Variants in GRM8 observed in about 807,000 individuals in gnomAD.
GRM8 encodes metabotropic glutamate receptor 8.
A neutral mutation model predicts 87.2 loss-of-function variants in GRM8; 47 were observed. The observed-to-expected ratio is 0.54, with a 90% confidence interval of 0.43 to 0.69. The LOEUF is 0.69. Among genes scored for constraint, GRM8 ranks in the 30% least tolerant of loss-of-function variants. The pLI is 0.00. For missense variants in GRM8, 1,019 were observed against 1,139.2 expected (o/e 0.89, Z 1.52); for synonymous variants, 396 against 404.5 (o/e 0.98, Z 0.25).
Position 126,533,239 on chromosome 7 carries a change from C to T in GRM8, c.2143G>A (p.Val715Ile). 1 of 1,613,470 alleles carries T rather than the reference C, an allele frequency of 6.2e-7. No homozygotes were observed. The highest frequency in any genetic ancestry group is 8.5e-7 in the Non-Finnish European group (1 of 1,179,878). The change falls in exon 9 of 11, where the codon GTT (valine) becomes ATT (isoleucine). Residue 715 changes from valine to isoleucine, a missense_variant. Physicochemically the swap from Val to Ile is conservative, Grantham distance 29. Coordinates refer to ENST00000339582, the MANE Select transcript of GRM8 (RefSeq NM_000845.3). ...VQLLGVFVWF[V>I]VDPPHIIIDY... ...ATGATGATGTGGGGGGGATCCACAACAAACCAGACAAACACTCCAAGGAGC... is the reference window on the plus strand; with the variant it reads ...ATGATGATGTGGGGGGGATCCACAATAAACCAGACAAACACTCCAAGGAGC...
intron 3 of GRM8, among the ~76,000 whole-genome samples, chr7:126,956,259 A>G (rs186736327): frequency 6.6e-6 from 1 of 152,346 alleles, no homozygotes; most frequent in Admixed American, 6.5e-5. Context: ...AAGGTGTCCA[A>G]AGAGGCAATG....
intron 10 of GRM8, chr7:126,445,345 T>C (rs1464801315): frequency 6.6e-6 from 1 of 152,056 alleles, no homozygotes; most frequent in South Asian, 2.1e-4. Context: ...CTTCAAATTA[T>C]TTGCCACTCT....
intron 8 of GRM8, among the ~76,000 whole-genome samples, chr7:126,535,887 C>T (rs1400500635): frequency 6.6e-6 from 1 of 152,196 alleles, no homozygotes; most frequent in Non-Finnish European, 1.5e-5. Context: ...AGAAAGTCAT[C>T]ATCTGGCTCC....
At chr7:127,069,781 C>G (rs993730357) in intron 3 of GRM8, among the ~76,000 whole-genome samples, 18 of 152,198 alleles carry the variant, frequency 1.2e-4, no homozygotes, top group African/African-American at 4.3e-4. Context: ...GTTTATTCCA[C>G]TGGTTAAATG....
chr7:126,664,040 C>T (rs1805500518), intron 7 of GRM8, among the ~76,000 whole-genome samples: 1 of 152,050 alleles, frequency 6.6e-6, no homozygotes, highest in South Asian at 2.1e-4. Context: ...ATCCCATTTA[C>T]AATAGCCACA....
intron 6 of GRM8, among the ~76,000 whole-genome samples, chr7:126,892,242 A>G (rs1346303459): frequency 2.0e-5 from 3 of 151,970 alleles, no homozygotes; most frequent in Admixed American, 6.6e-5. Context: ...TGCTGCACCC[A>G]TTAACTCGTC....
chr7:126,487,263 G>A lies in GRM8; in HGVS notation c.2431-40891C>T, dbSNP rs369853956. The stretch of plus-strand genomic sequence containing the variant: ...GGTAAAGGTTTATAATGAAAACCCC[G>A]CTTCAGACACGCAATATGGTTGAAA... On this transcript the variant is annotated intron_variant, in intron 9 of 10. Coordinates refer to ENST00000339582, the MANE Select transcript of GRM8 (RefSeq NM_000845.3). 6.7e-4 allele frequency among the ~76,000 whole-genome samples: 101 copies of A among 151,610 alleles called. 2 individuals are homozygous for A. In the South Asian group the frequency reaches 0.018, roughly 26 times the overall value.
intron 8 of GRM8, among the ~76,000 whole-genome samples, chr7:126,601,385 T>C (rs1797745360): frequency 6.6e-6 from 1 of 152,112 alleles, no homozygotes; most frequent in Admixed American, 6.5e-5. Context: ...AATGCCGCAA[T>C]AAACATACGT....
chr7:127,168,864 T>C (rs1358333128), intron 2 of GRM8, among the ~76,000 whole-genome samples: 1 of 150,774 alleles, frequency 6.6e-6, no homozygotes, highest in African/African-American at 2.4e-5. Flanking sequence ...GGGTGGGGGC[T>C]GAGGGGCCAG....
intron 8 of GRM8, among the ~76,000 whole-genome samples, chr7:126,582,360 A>T (rs888385830): frequency 3.3e-5 from 5 of 152,192 alleles, no homozygotes; most frequent in African/African-American, 1.2e-4. Flanking sequence ...GCAGAGGTGA[A>T]GAAGCTGCAT....
chr7:126,758,762 A>T (rs1817283427), intron 7 of GRM8, among the ~76,000 whole-genome samples: 1 of 152,204 alleles, frequency 6.6e-6, no homozygotes, highest in Non-Finnish European at 1.5e-5. Flanking sequence ...TGTTTATATG[A>T]GTCAAAAGTT....
At chr7:127,029,661 C>CT (rs5887322) in intron 3 of GRM8, among the ~76,000 whole-genome samples, 100,164 of 148,450 alleles carry the variant, frequency 0.67, 34,976 homozygotes, top group African/African-American at 0.81. Context: ...GCAACCTCTG[C>CT]TTTTTTTTTT....
intron 3 of GRM8, among the ~76,000 whole-genome samples, chr7:127,060,883 CA>C (rs1820537440): frequency 6.6e-6 from 1 of 152,112 alleles, no homozygotes; most frequent in African/African-American, 2.4e-5. Flanking sequence ...AATCACCCAT[CA>C]TTTGCCTACT....
At chr7:126,778,679 T>C (rs1300612128) in intron 6 of GRM8, among the ~76,000 whole-genome samples, 1 of 152,154 alleles carries the variant, frequency 6.6e-6, no homozygotes, top group Non-Finnish European at 1.5e-5. Flanking sequence ...GTTTCTCTTT[T>C]TTAAGGCATA....
At chr7:126,917,437 C>T (rs1804034521) in intron 3 of GRM8, among the ~76,000 whole-genome samples, 2 of 152,054 alleles carry the variant, frequency 1.3e-5, no homozygotes, top group Non-Finnish European at 1.5e-5. Context: ...ATTACCTTTT[C>T]CTTAATGAAA....
chr7:126,933,047 T>C lies in GRM8; in HGVS notation c.728-28364A>G, dbSNP rs148441960. ...AAAACCAGAATGAGGATGACTCTGATAGTGAAAAGCCCAAGATTCTTTCTC... is the reference window on the plus strand; with the variant it reads ...AAAACCAGAATGAGGATGACTCTGACAGTGAAAAGCCCAAGATTCTTTCTC... On this transcript the variant is annotated intron_variant, in intron 3 of 10. Transcript: ENST00000339582. Among the ~76,000 whole-genome samples, 9 of 152,292 alleles carry C rather than the reference T, an allele frequency of 5.9e-5. No individual in the cohort carries two copies. In the East Asian group the frequency reaches 1.5e-3, roughly 26 times the overall value.
At chr7:126,581,065 TTCTGAGG>T in intron 8 of GRM8, among the ~76,000 whole-genome samples, 1 of 152,144 alleles carries the variant, frequency 6.6e-6, no homozygotes, top group East Asian at 1.9e-4. Flanking sequence ...AGAACCAGTG[TTCTGAGG>T]AAGGCTTTGA....
chr7:127,064,857 T>C (rs1320365632), intron 3 of GRM8, among the ~76,000 whole-genome samples: 1 of 151,894 alleles, frequency 6.6e-6, no homozygotes, highest in East Asian at 1.9e-4. Context: ...TAATAAAAAG[T>C]CAAAAAACAA....
intron 8 of GRM8, among the ~76,000 whole-genome samples, chr7:126,575,277 G>T (rs1795014972): frequency 6.6e-6 from 1 of 151,052 alleles, no homozygotes; most frequent in Non-Finnish European, 1.5e-5. Flanking sequence ...CTTGTTATGA[G>T]AATCTAATGC....
Sources: gnomAD v4.1 joint callset for allele counts (sites outside exome capture counted in the v4.1 genomes callset) on GRCh38, gnomAD v4.1.1 for gene constraint, MANE v1.5 for transcripts, NCBI Gene and HGNC (gene_info 2026-07-23, HGNC 2026-07-21) for gene names.